The following INPP5A variants were observed in gnomAD, a reference collection of about 807,000 sequenced individuals.
The protein encoded by INPP5A is inositol polyphosphate-5-phosphatase A.
INPP5A carries 14 observed loss-of-function variants against 65.2 expected under a neutral mutation model. That is an observed-to-expected ratio of 0.21 (90% CI 0.14 to 0.34). The LOEUF is 0.34. INPP5A is among the 10% of genes least tolerant of loss of function. The pLI, the probability that INPP5A is intolerant of heterozygous loss-of-function variation, is 1.00. For missense variants in INPP5A, 431 were observed against 545.6 expected (o/e 0.79, Z 2.09); for synonymous variants, 207 against 208.3 (o/e 0.99, Z 0.05).
intron 9 of INPP5A, among the ~76,000 whole-genome samples, chr10:132,744,655 G>T (rs975805306): frequency 6.6e-6 from 1 of 152,176 alleles, no homozygotes; most frequent in African/African-American, 2.4e-5. Context: ...AGATTCGGGG[G>T]CAACGTTGGC....
chr10:132,572,724 G>A (rs2071361064), intron 1 of INPP5A, among the ~76,000 whole-genome samples: 1 of 152,172 alleles, frequency 6.6e-6, no homozygotes, highest in South Asian at 2.1e-4. Context: ...GGATTCAGAG[G>A]ACACTGTTGC....
chr10:132,734,382 C>T (rs1456579120), intron 9 of INPP5A, among the ~76,000 whole-genome samples: 3 of 152,236 alleles, frequency 2.0e-5, no homozygotes, highest in East Asian at 1.9e-4. Flanking sequence ...ATTTTTCGCA[C>T]TGTGGTCCAG....
chr10:132,696,597 C>T (rs1845347777), intron 5 of INPP5A, among the ~76,000 whole-genome samples: 4 of 152,240 alleles, frequency 2.6e-5, no homozygotes. Context: ...GATTCCAACT[C>T]TGTGACACTC....
chr10:132,692,494 G>C (rs1845284125), intron 5 of INPP5A, among the ~76,000 whole-genome samples: 1 of 152,168 alleles, frequency 6.6e-6, no homozygotes, highest in Non-Finnish European at 1.5e-5. Context: ...AGGCCACCTT[G>C]TATTCAAACT....
In INPP5A at chr10:132,627,115, G is replaced by A. The variant is rs180937588; in HGVS notation, c.118-18753G>A. 8.7e-4 allele frequency among the ~76,000 whole-genome samples: 133 copies of A among 152,026 alleles called. No homozygotes were observed. Among genetic ancestry groups the A allele is most frequent in the African/African-American group, 3.0e-3 (122 of 41,322 alleles). ...CGGGATCAGGCTCTCTCCACAGGGC[G>A]CAGAGGCAGCTCTGTGAGCCAGGAA... On this transcript the variant is annotated intron_variant, in intron 2 of 15. Transcript: ENST00000368594. This position sits in a 1 kb window ranked among gnomAD's most constrained non-coding sequence, Gnocchi z 6.6.
rs776179004 is a variant in INPP5A, at chr10:132,564,579, A to G, written c.75+26408A>G. 2.0e-4 allele frequency among the ~76,000 whole-genome samples: 30 copies of G among 152,198 alleles called. 1 individual carries two copies. The highest frequency in any genetic ancestry group is 4.0e-4 in the Non-Finnish European group (27 of 68,036). On this transcript the variant is annotated intron_variant, in intron 1 of 15. Coordinates refer to ENST00000368594, the MANE Select transcript of INPP5A (RefSeq NM_005539.5). Reference sequence around the variant, plus strand: ...CTGGCAATGGAGGGTCGTTTCCAACAGTTCAGTGTTATTGGAGTAGAAGTT... The same window carrying G: ...CTGGCAATGGAGGGTCGTTTCCAACGGTTCAGTGTTATTGGAGTAGAAGTT...
At chr10:132,577,930 G>T (rs1304880135) in intron 1 of INPP5A, among the ~76,000 whole-genome samples, 1 of 152,226 alleles carries the variant, frequency 6.6e-6, no homozygotes, top group Non-Finnish European at 1.5e-5. Context: ...TGTGCCATTT[G>T]GGGGTGCTCC....
chr10:132,693,887 C>G (rs1171388921), intron 5 of INPP5A, among the ~76,000 whole-genome samples: 1 of 151,966 alleles, frequency 6.6e-6, no homozygotes, highest in Non-Finnish European at 1.5e-5. Flanking sequence ...ACAAGGCAAA[C>G]CAAGTAGAGC....
At chr10:132,700,528 A>AGTGTGG (rs1192793231) in intron 6 of INPP5A, among the ~76,000 whole-genome samples, 4 of 152,238 alleles carry the variant, frequency 2.6e-5, no homozygotes, top group Non-Finnish European at 5.9e-5. Flanking sequence ...TTCTGTCCCT[A>AGTGTGG]GTGTGGGTTT....
intron 8 of INPP5A, among the ~76,000 whole-genome samples, chr10:132,715,999 G>A (rs1845733002): frequency 6.6e-6 from 1 of 152,256 alleles, no homozygotes; most frequent in Non-Finnish European, 1.5e-5. Flanking sequence ...CCTCTCCAGG[G>A]CGTGGTCGGT....
intron 4 of INPP5A, among the ~76,000 whole-genome samples, chr10:132,662,282 C>T (rs911980280): frequency 1.3e-5 from 2 of 152,170 alleles, no homozygotes; most frequent in East Asian, 1.9e-4. Context: ...ATCACCCAGC[C>T]GTTTCCCTCT....
rs547474786 is a variant in INPP5A, at chr10:132,680,044, G to A, written c.307-10348G>A. Reference sequence around the variant, plus strand: ...GAACCTTCACAACATTGGATTTGGCGATGATTTCTCAGACGCAGCACCAAA... The same window carrying A: ...GAACCTTCACAACATTGGATTTGGCAATGATTTCTCAGACGCAGCACCAAA... On this transcript the variant is annotated intron_variant, in intron 4 of 15. Transcript: ENST00000368594. 1.2e-3 allele frequency among the ~76,000 whole-genome samples: 182 copies of A among 152,324 alleles called. 2 individuals carry two copies. The highest frequency in any genetic ancestry group is 4.1e-3 in the African/African-American group (171 of 41,556).
intron 4 of INPP5A, among the ~76,000 whole-genome samples, chr10:132,654,187 C>T (rs1045261961): frequency 6.6e-6 from 1 of 152,220 alleles, no homozygotes; most frequent in Admixed American, 6.5e-5. Flanking sequence ...GGAACTGTGG[C>T]CTGGCAGGAG....
At chr10:132,602,372 T>C (rs1333694420) in intron 1 of INPP5A, among the ~76,000 whole-genome samples, 2 of 152,218 alleles carry the variant, frequency 1.3e-5, no homozygotes, top group East Asian at 3.9e-4. Flanking sequence ...CTCGGCTCAC[T>C]GCAACCTCTG....
At position 132,782,110 on chromosome 10, in the gene INPP5A, A is replaced by G; in HGVS notation, c.*81A>G. 6.5e-7 allele frequency: 1 copy of G among 1,536,404 alleles called. No homozygotes were observed. Among genetic ancestry groups the G allele is most frequent in the Non-Finnish European group, 8.8e-7 (1 of 1,137,758 alleles). The stretch of plus-strand genomic sequence containing the variant: ...GCCGTGGACCGAATACGCACTCTTG[A>G]AAGCTGCATCGAGAACCCGCCCAAG... On this transcript the variant is annotated 3_prime_UTR_variant, in exon 16 of 16. Transcript: ENST00000368594. This position sits in a 1 kb window ranked among gnomAD's most constrained non-coding sequence, Gnocchi z 4.4.
chr10:132,580,402 C>A (rs925301087), intron 1 of INPP5A, among the ~76,000 whole-genome samples: 2 of 152,184 alleles, frequency 1.3e-5, no homozygotes, highest in African/African-American at 4.8e-5. Context: ...CTTTCTTCTT[C>A]TTCACCTTCC....
chr10:132,660,008 C>T (rs1374517741), intron 4 of INPP5A, among the ~76,000 whole-genome samples: 1 of 152,244 alleles, frequency 6.6e-6, no homozygotes, highest in Non-Finnish European at 1.5e-5. Context: ...CATGCTCCGC[C>T]GACGCGTGAC....
chr10:132,645,561 C>T lies in INPP5A; in HGVS notation c.118-307C>T, dbSNP rs558956472. 1.4e-4 allele frequency among the ~76,000 whole-genome samples: 22 copies of T among 152,298 alleles called. No homozygotes were observed. The South Asian group carries it at 4.3e-3, about 30-fold the overall frequency. On this transcript the variant is annotated intron_variant, in intron 2 of 15. Coordinates refer to ENST00000368594, the MANE Select transcript of INPP5A (RefSeq NM_005539.5). ...GCTCCCAGAGGCTCTGCAGTAAACA[C>T]GCATAACATTTTTTTAACTAGAAAT...
chr10:132,651,851 G>A lies in INPP5A; in HGVS notation c.306+1346G>A, dbSNP rs958118902. Among the ~76,000 whole-genome samples, 5 of 152,182 alleles carry A rather than the reference G, an allele frequency of 3.3e-5. No homozygotes were observed. Among genetic ancestry groups the A allele is most frequent in the African/African-American group, 9.7e-5 (4 of 41,450 alleles). The stretch of plus-strand genomic sequence containing the variant: ...CCAGTAGTGGAGTCTGTACAATCCC[G>A]GGAATCCCCCGTTCGGTCTCCGACC... On this transcript the variant is annotated intron_variant, in intron 4 of 15. Transcript: ENST00000368594. This position sits in a 1 kb window ranked among gnomAD's most constrained non-coding sequence, Gnocchi z 5.0.
Sources: allele counts gnomAD v4.1 joint callset (sites outside exome capture counted in the v4.1 genomes callset), GRCh38; gene constraint gnomAD v4.1.1; non-coding constraint Gnocchi (gnomAD v3.1); transcripts MANE v1.5; gene names NCBI Gene and HGNC (gene_info 2026-07-23, HGNC 2026-07-21).